The following NR3C2 variants were observed in gnomAD, a reference collection of about 807,000 sequenced individuals.
The protein encoded by NR3C2 is nuclear receptor subfamily 3 group C member 2.
In NR3C2, 15 loss-of-function variants were observed where a neutral mutation model predicts 86.4. That is an observed-to-expected ratio of 0.17 (90% CI 0.12 to 0.27). The LOEUF (loss-of-function observed/expected upper bound fraction) is 0.27, where lower values mean the gene tolerates loss of function less well. Ranked by LOEUF, NR3C2 falls within the 10% of genes least tolerant of loss-of-function variation. NR3C2 has a pLI of 1.00. For synonymous variants in NR3C2, 458 were observed against 450.5 expected (o/e 1.02, Z -0.21); for missense variants, 960 against 1,195.6 (o/e 0.80, Z 2.91).
At chr4:148,333,550 T>C (rs905138717) in intron 2 of NR3C2, among the ~76,000 whole-genome samples, 2 of 128,676 alleles carry the variant, frequency 1.6e-5, no homozygotes, top group African/African-American at 2.8e-5. Context: ...ATCTCCCTAG[T>C]GATTGGAGAA....
chr4:148,315,756 G>C (rs929736230), intron 2 of NR3C2, among the ~76,000 whole-genome samples: 6 of 152,084 alleles, frequency 3.9e-5, no homozygotes, highest in Admixed American at 1.3e-4. Context: ...TCCTTTAGGG[G>C]CCTTATATGA....
intron 8 of NR3C2, among the ~76,000 whole-genome samples, chr4:148,104,706 T>C (rs991777184): frequency 6.6e-6 from 1 of 152,214 alleles, no homozygotes; most frequent in South Asian, 2.1e-4. Flanking sequence ...GTGCCTGTTA[T>C]GTGGTAGATG....
chr4:148,421,752 C>T (rs1461872246), intron 2 of NR3C2, among the ~76,000 whole-genome samples: 1 of 152,048 alleles, frequency 6.6e-6, no homozygotes. Flanking sequence ...AAGAATTTAA[C>T]TTTTTAAAAA....
intron 2 of NR3C2, among the ~76,000 whole-genome samples, chr4:148,283,006 CAG>C (rs1247120709): frequency 6.6e-6 from 1 of 152,028 alleles, no homozygotes; most frequent in Non-Finnish European, 1.5e-5. Context: ...GGGAAGGAAA[CAG>C]AGCTGAGGGG....
intron 2 of NR3C2, among the ~76,000 whole-genome samples, chr4:148,343,774 C>T (rs914739515): frequency 2.0e-5 from 3 of 151,884 alleles, no homozygotes; most frequent in African/African-American, 4.8e-5. Flanking sequence ...AACACACACT[C>T]GAAAAAAATT....
At chr4:148,217,923 C>A (rs1737626548) in intron 3 of NR3C2, among the ~76,000 whole-genome samples, 1 of 152,196 alleles carries the variant, frequency 6.6e-6, no homozygotes, top group Admixed American at 6.5e-5. Context: ...ACAGTGGTAT[C>A]TTTGAACATA....
intron 4 of NR3C2, among the ~76,000 whole-genome samples, chr4:148,169,508 A>T (rs1165879636): frequency 6.6e-6 from 1 of 150,964 alleles, no homozygotes; most frequent in Non-Finnish European, 1.5e-5. Context: ...ATGATTTTTT[A>T]TATATATATA....
intron 6 of NR3C2, among the ~76,000 whole-genome samples, chr4:148,145,860 A>G (rs978622822): frequency 2.6e-5 from 4 of 152,086 alleles, no homozygotes; most frequent in Non-Finnish European, 5.9e-5. Context: ...AAATCTCAGG[A>G]GGAGGTTTCT....
intron 2 of NR3C2, among the ~76,000 whole-genome samples, chr4:148,331,006 C>T (rs938705264): frequency 6.6e-6 from 1 of 152,202 alleles, no homozygotes; most frequent in Admixed American, 6.5e-5. Context: ...CCTGTGCAGC[C>T]TCCAGAGCCA....
At chr4:148,414,504 C>T (rs1347380956) in intron 2 of NR3C2, among the ~76,000 whole-genome samples, 1 of 152,140 alleles carries the variant, frequency 6.6e-6, no homozygotes, top group East Asian at 1.9e-4. Flanking sequence ...TTCCTAACCA[C>T]TGTCTAGATG....
intron 2 of NR3C2, among the ~76,000 whole-genome samples, chr4:148,357,428 T>A (rs529095625): frequency 2.6e-5 from 4 of 152,292 alleles, no homozygotes; most frequent in South Asian, 4.1e-4. Flanking sequence ...ATAAGGTATA[T>A]CTCTCAATAT....
intron 4 of NR3C2, among the ~76,000 whole-genome samples, chr4:148,161,731 C>A (rs1433019002): frequency 6.6e-6 from 1 of 152,032 alleles, no homozygotes; most frequent in African/African-American, 2.4e-5. Context: ...TAACTAATAT[C>A]CACCCATTGT....
chr4:148,332,683 A>T (rs1236412796), intron 2 of NR3C2, among the ~76,000 whole-genome samples: 1 of 152,218 alleles, frequency 6.6e-6, no homozygotes, highest in African/African-American at 2.4e-5. Context: ...ATGTAACCTT[A>T]GAGCCTTGCC....
Position 148,078,877 on chromosome 4 carries a change from A to T in NR3C2, c.*2467T>A, listed in dbSNP as rs1222906466. Reference sequence around the variant, plus strand: ...TTTTAAACTAATTTAGTGTTTCTTTAAATTATATGAACTTTTGGTGAATTA... The same window carrying T: ...TTTTAAACTAATTTAGTGTTTCTTTTAATTATATGAACTTTTGGTGAATTA... On this transcript the variant is annotated 3_prime_UTR_variant, in exon 9 of 9. Transcript: ENST00000358102. The T allele has an allele frequency of 3.3e-5, 5 of 152,654 alleles. No homozygotes were observed. Among genetic ancestry groups the T allele is most frequent in the Non-Finnish European group, 7.3e-5 (5 of 68,054 alleles). The allele number at this position is 152,654 out of a possible 1,614,324, so 9.5% of individuals were successfully genotyped here.
intron 2 of NR3C2, among the ~76,000 whole-genome samples, chr4:148,382,593 A>C (rs1009063701): frequency 6.6e-6 from 1 of 152,222 alleles, no homozygotes; most frequent in Non-Finnish European, 1.5e-5. Context: ...TATAAATGCA[A>C]TAACTGAGTG....
intron 2 of NR3C2, among the ~76,000 whole-genome samples, chr4:148,341,478 G>A (rs1744746731): frequency 6.6e-6 from 1 of 152,172 alleles, no homozygotes; most frequent in African/African-American, 2.4e-5. Context: ...ACGACGAAGA[G>A]AGGTTGGTTA....
chr4:148,373,912 T>C (rs755656046), intron 2 of NR3C2, among the ~76,000 whole-genome samples: 2 of 152,184 alleles, frequency 1.3e-5, no homozygotes, highest in Non-Finnish European at 2.9e-5. Context: ...AAATTCAGAA[T>C]CAGAACATTT....
intron 2 of NR3C2, among the ~76,000 whole-genome samples, chr4:148,305,361 T>G (rs1322528257): frequency 6.6e-6 from 1 of 152,080 alleles, no homozygotes; most frequent in South Asian, 2.1e-4. Flanking sequence ...AGTCAGCCTT[T>G]CAGAAACTGA....
intron 8 of NR3C2, among the ~76,000 whole-genome samples, chr4:148,092,897 T>C (rs151294508): frequency 5.3e-5 from 8 of 152,306 alleles, no homozygotes; most frequent in African/African-American, 1.4e-4. Context: ...AGTGACTTCA[T>C]TGCAATGAGT....
Sources: gnomAD v4.1 joint callset for allele counts (sites outside exome capture counted in the v4.1 genomes callset) on GRCh38, gnomAD v4.1.1 for gene constraint, MANE v1.5 for transcripts, NCBI Gene and HGNC (gene_info 2026-07-23, HGNC 2026-07-21) for gene names.